Variants in SPECC1 observed in about 807,000 individuals in gnomAD.
The protein encoded by SPECC1 is cytospin-B.
In SPECC1, 62 loss-of-function variants were observed where a neutral mutation model predicts 104.1. The observed-to-expected ratio is 0.60, with a 90% CI of 0.49 to 0.74. SPECC1 has a LOEUF of 0.74. Ranked by LOEUF, SPECC1 falls within the 30% of genes least tolerant of loss-of-function variation. SPECC1 has a pLI of 0.00. For synonymous variants in SPECC1, 513 were observed against 501.6 expected (o/e 1.02, Z -0.30); for missense variants, 1,306 against 1,310.5 (o/e 1.00, Z 0.05).
At chr17:20,203,047 A>T (rs2036535184) in intron 3 of SPECC1, among the ~76,000 whole-genome samples, 1 of 152,110 alleles carries the variant, frequency 6.6e-6, no homozygotes, top group Admixed American at 6.5e-5. Flanking sequence ...GCTCAGAAAT[A>T]GTCTTGGTGG....
chr17:20,210,288 C>T (rs184160359), intron 4 of SPECC1, among the ~76,000 whole-genome samples: 42 of 152,310 alleles, frequency 2.8e-4, no homozygotes, highest in East Asian at 2.5e-3. Flanking sequence ...CTCCTGTCAG[C>T]GGCTTGAGCC....
Position 20,271,995 on chromosome 17 carries a change from AT to A in SPECC1, c.2940+11710del, listed in dbSNP as rs201314949. 4.0e-5 allele frequency among the ~76,000 whole-genome samples: 6 copies of A among 148,360 alleles called. No homozygotes were observed. The East Asian group carries it at 8.6e-4, about 21-fold the overall frequency. ...AAAAGAATGATTACAGTCGTTTGTGATTTTTTTTTCCTCTGCAAAAGCTCAT... is the reference window on the plus strand; with the variant it reads ...AAAAGAATGATTACAGTCGTTTGTGATTTTTTTTCCTCTGCAAAAGCTCAT... On this transcript the variant is annotated intron_variant, in intron 12 of 14. Transcript: ENST00000395527.
intron 7 of SPECC1, among the ~76,000 whole-genome samples, chr17:20,245,452 G>A (rs1032488507): frequency 6.6e-6 from 1 of 152,016 alleles, no homozygotes; most frequent in Non-Finnish European, 1.5e-5. Context: ...CTGATTGGTG[G>A]AACTTAAATC....
intron 14 of SPECC1, among the ~76,000 whole-genome samples, chr17:20,307,294 C>T (rs1308245570): frequency 6.6e-6 from 1 of 152,160 alleles, no homozygotes; most frequent in Non-Finnish European, 1.5e-5. Flanking sequence ...AGAACTGGTT[C>T]ACCACTCAGT....
At chr17:20,067,785 A>G (rs897502902) in intron 1 of SPECC1, among the ~76,000 whole-genome samples, 14 of 152,092 alleles carry the variant, frequency 9.2e-5, no homozygotes, top group Non-Finnish European at 1.2e-4. Context: ...TATCTTCACA[A>G]AGTTATACAA....
chr17:20,271,453 T>C (rs1418483086), intron 12 of SPECC1, among the ~76,000 whole-genome samples: 1 of 152,142 alleles, frequency 6.6e-6, no homozygotes, highest in East Asian at 1.9e-4. Context: ...TGTAGTAGTA[T>C]ACACTGCTGC....
At chr17:20,275,427 G>A (rs1399694078) in intron 12 of SPECC1, among the ~76,000 whole-genome samples, 2 of 152,108 alleles carry the variant, frequency 1.3e-5, no homozygotes, top group African/African-American at 4.8e-5. Flanking sequence ...AGTAAAAAGT[G>A]CAATAGGTAT....
chr17:20,238,248 T>A, intron 7 of SPECC1: 1 of 1,040,898 alleles, frequency 9.6e-7, no homozygotes, highest in Non-Finnish European at 1.2e-6. Context: ...AACGATTGAA[T>A]GACAACTACA....
intron 4 of SPECC1, among the ~76,000 whole-genome samples, chr17:20,213,532 C>T (rs2037296823): frequency 6.6e-6 from 1 of 152,218 alleles, no homozygotes; most frequent in Non-Finnish European, 1.5e-5. Context: ...AGAAAACCAC[C>T]TTTGAAAGCC....
intron 3 of SPECC1, among the ~76,000 whole-genome samples, chr17:20,169,193 T>C (rs183865371): frequency 3.7e-4 from 57 of 152,316 alleles, no homozygotes; most frequent in African/African-American, 9.9e-4. Flanking sequence ...AAAGGTTTCA[T>C]TCACACTATG....
chr17:20,191,517 TA>T (rs2035671372), intron 3 of SPECC1, among the ~76,000 whole-genome samples: 2 of 147,044 alleles, frequency 1.4e-5, no homozygotes, highest in African/African-American at 5.1e-5. Context: ...AATTATACTT[TA>T]AGTTCTGGGG....
intron 1 of SPECC1, among the ~76,000 whole-genome samples, chr17:20,045,044 C>A (rs1467184456): frequency 6.6e-6 from 1 of 152,170 alleles, no homozygotes; most frequent in Non-Finnish European, 1.5e-5. Context: ...AAAAGTAATT[C>A]TTGCTTGGGG....
At chr17:20,112,300 A>C in intron 3 of SPECC1, 1 of 760,130 alleles carries the variant, frequency 1.3e-6, no homozygotes, top group Non-Finnish European at 2.5e-6. Flanking sequence ...CTTATTGTAC[A>C]TGATGGCATT....
intron 9 of SPECC1, among the ~76,000 whole-genome samples, chr17:20,251,803 T>A (rs1176575388): frequency 6.6e-6 from 1 of 152,242 alleles, no homozygotes; most frequent in African/African-American, 2.4e-5. Context: ...ATTTAACTCA[T>A]TTAATCCTCC....
chr17:20,286,208 A>C (rs1031472044), intron 12 of SPECC1, among the ~76,000 whole-genome samples: 9 of 152,138 alleles, frequency 5.9e-5, no homozygotes, highest in Admixed American at 5.9e-4. Flanking sequence ...AATCCTCTTC[A>C]TGTTCCCCTG....
chr17:20,161,717 T>C (rs2033167133), intron 3 of SPECC1, among the ~76,000 whole-genome samples: 1 of 152,184 alleles, frequency 6.6e-6, no homozygotes, highest in African/African-American at 2.4e-5. Flanking sequence ...TTGCAGACTG[T>C]AAGAGGGAAT....
chr17:20,078,101 T>A (rs1002436863), intron 1 of SPECC1, among the ~76,000 whole-genome samples: 1 of 150,458 alleles, frequency 6.6e-6, no homozygotes, highest in Non-Finnish European at 1.5e-5. Context: ...TAAAAAGACA[T>A]ATGTATTTTT....
chr17:20,293,609 G>A (rs1451755962), intron 12 of SPECC1, among the ~76,000 whole-genome samples: 1 of 152,198 alleles, frequency 6.6e-6, no homozygotes, highest in Non-Finnish European at 1.5e-5. Context: ...GACAGGGCAA[G>A]AAGAGGAAGA....
rs1173958222 is a variant in SPECC1, at chr17:20,310,460, A to G, written c.3118-3516A>G. Among the ~76,000 whole-genome samples the G allele has an allele frequency of 2.0e-5, 3 of 152,182 alleles. No individual in the cohort carries two copies. In the East Asian group the frequency reaches 5.8e-4, roughly 29 times the overall value. Reference sequence around the variant, plus strand: ...GAGATGATGAGATCTTTAAAAATGAAGCTCTATAGTGTTCCCCAGATATTA... The same window carrying G: ...GAGATGATGAGATCTTTAAAAATGAGGCTCTATAGTGTTCCCCAGATATTA... On this transcript the variant is annotated intron_variant, in intron 14 of 14. Transcript: ENST00000395527.
Sources: allele counts gnomAD v4.1 joint callset (sites outside exome capture counted in the v4.1 genomes callset), GRCh38; gene constraint gnomAD v4.1.1; transcripts MANE v1.5; gene names NCBI Gene and HGNC (gene_info 2026-07-23, HGNC 2026-07-21).